The following TBC1D8 variants were observed in gnomAD, a reference collection of about 807,000 sequenced individuals.
The protein encoded by TBC1D8 is BUB2-like protein 1.
Under a neutral mutation model 118.8 loss-of-function variants are expected in TBC1D8, and 65 were observed. The ratio of observed to expected loss-of-function variants is 0.55; its 90% CI spans 0.45 to 0.67. The LOEUF (loss-of-function observed/expected upper bound fraction) is 0.67. Ranked by LOEUF, TBC1D8 falls within the 30% of genes least tolerant of loss-of-function variation. TBC1D8 has a pLI of 0.00. For synonymous variants in TBC1D8, 566 were observed against 595.8 expected (o/e 0.95, Z 0.73); for missense variants, 1,376 against 1,471.2 (o/e 0.94, Z 1.06).
At chr2:101,097,548 T>C (rs1676545170) in intron 1 of TBC1D8, among the ~76,000 whole-genome samples, 1 of 131,550 alleles carries the variant, frequency 7.6e-6, no homozygotes, top group South Asian at 2.4e-4. Context: ...TTGGAAATAC[T>C]CTGTTATTTA....
At chr2:101,111,327 T>C (rs140353911) in intron 1 of TBC1D8, among the ~76,000 whole-genome samples, 182 of 152,284 alleles carry the variant, frequency 1.2e-3, no homozygotes, top group Non-Finnish European at 2.3e-3. Context: ...AGGGCGACCA[T>C]ATCACGCAGG....
intron 3 of TBC1D8, among the ~76,000 whole-genome samples, chr2:101,058,024 C>G (rs903328194): frequency 3.3e-5 from 5 of 152,180 alleles, no homozygotes; most frequent in African/African-American, 1.2e-4. Context: ...CAAATAACCA[C>G]TACAACTTGC....
chr2:101,015,480 T>C (rs1169548638), intron 17 of TBC1D8, among the ~76,000 whole-genome samples: 1 of 152,236 alleles, frequency 6.6e-6, no homozygotes, highest in Non-Finnish European at 1.5e-5. Context: ...TTTATAAACT[T>C]TTTGACTCTT....
rs1446670327 is a variant in TBC1D8 at position 101,081,337 on chromosome 2, G to A, written c.283+8872C>T. Among the ~76,000 whole-genome samples, 10 of 152,120 alleles carry A rather than the reference G, an allele frequency of 6.6e-5. 1 individual carries two copies. The South Asian group carries it at 1.7e-3, about 25-fold the overall frequency. ...TCTCCTGACCCTCCCCTGCTACAAC[G>A]TGGCACTTTCCTTTCTTTCTGTTTT... On this transcript the variant is annotated intron_variant, in intron 2 of 19. Coordinates refer to ENST00000409318, the MANE Select transcript of TBC1D8 (RefSeq NM_001330348.2).
At chr2:101,145,086 A>C (rs1021180279) in intron 1 of TBC1D8, among the ~76,000 whole-genome samples, 2 of 152,170 alleles carry the variant, frequency 1.3e-5, no homozygotes, top group East Asian at 3.9e-4. Context: ...AGCTCTTCCT[A>C]AGGAGTTCCA....
intron 19 of TBC1D8, among the ~76,000 whole-genome samples, chr2:101,008,757 G>C (rs1666942422): frequency 6.6e-6 from 1 of 151,556 alleles, no homozygotes; most frequent in Non-Finnish European, 1.5e-5. Context: ...GGTTGTGGTA[G>C]TCAAGATCAC....
intron 17 of TBC1D8, among the ~76,000 whole-genome samples, chr2:101,015,648 C>T (rs905338483): frequency 2.6e-5 from 4 of 152,182 alleles, no homozygotes; most frequent in African/African-American, 9.7e-5. Flanking sequence ...AAGCCAGAGG[C>T]ATCACGCTAC....
intron 15 of TBC1D8, 34 bp downstream of exon 15, chr2:101,027,349 G>C: frequency 6.2e-7 from 1 of 1,603,746 alleles, no homozygotes; most frequent in Non-Finnish European, 8.5e-7. Context: ...CCAGCTCAGG[G>C]CCTGGAACCC....
intron 17 of TBC1D8, among the ~76,000 whole-genome samples, chr2:101,021,131 C>T (rs1460911272): frequency 6.6e-6 from 1 of 152,132 alleles, no homozygotes; most frequent in African/African-American, 2.4e-5. Context: ...GGACAGAGCC[C>T]TCTGGGATTT....
intron 1 of TBC1D8, among the ~76,000 whole-genome samples, chr2:101,107,462 G>T (rs549902226): frequency 1.3e-5 from 2 of 152,044 alleles, no homozygotes; most frequent in African/African-American, 4.8e-5. Context: ...AAAGGCAGAG[G>T]AAGATATATA....
intron 15 of TBC1D8, among the ~76,000 whole-genome samples, chr2:101,024,753 A>G (rs1040521693): frequency 4.6e-5 from 7 of 152,144 alleles, no homozygotes; most frequent in Non-Finnish European, 1.0e-4. Flanking sequence ...AGTATTGACT[A>G]AAGTTGAATA....
At chr2:101,109,535 T>C (rs1401362478) in intron 1 of TBC1D8, among the ~76,000 whole-genome samples, 1 of 152,184 alleles carries the variant, frequency 6.6e-6, no homozygotes, top group Non-Finnish European at 1.5e-5. Flanking sequence ...CAGCCCTACT[T>C]AGTCCGTCCT....
chr2:101,137,533 C>T (rs1678910074), intron 1 of TBC1D8, among the ~76,000 whole-genome samples: 1 of 150,444 alleles, frequency 6.6e-6, no homozygotes, highest in African/African-American at 2.5e-5. Context: ...AGGATGGTCT[C>T]GATCTCCTGA....
At chr2:101,027,308 C>T (rs934741194) in intron 15 of TBC1D8, 75 bp downstream of exon 15, 8 of 1,384,582 alleles carry the variant, frequency 5.8e-6, no homozygotes, top group Admixed American at 5.1e-5. Flanking sequence ...TGCATGCTGT[C>T]CCCTGGGCAG....
At chr2:101,053,490 A>G (rs1235417505) in intron 4 of TBC1D8, among the ~76,000 whole-genome samples, 1 of 152,236 alleles carries the variant, frequency 6.6e-6, no homozygotes. Context: ...ATACTACCCA[A>G]CATGAGCACT....
chr2:101,030,294 T>G (rs991248413), intron 11 of TBC1D8, among the ~76,000 whole-genome samples: 1 of 152,212 alleles, frequency 6.6e-6, no homozygotes, highest in East Asian at 1.9e-4. Flanking sequence ...ACAGAGGTCT[T>G]ATATTCAAAA....
chr2:101,144,338 C>A (rs1233409307), intron 1 of TBC1D8, among the ~76,000 whole-genome samples: 2 of 152,096 alleles, frequency 1.3e-5, no homozygotes, highest in African/African-American at 4.8e-5. Context: ...AGGTACATCT[C>A]CAGGAAGTGG....
chr2:101,092,354 T>C (rs918962965), intron 1 of TBC1D8, among the ~76,000 whole-genome samples: 11 of 152,226 alleles, frequency 7.2e-5, no homozygotes, highest in Non-Finnish European at 1.5e-5. Context: ...AGATGACCTC[T>C]ACTTGTCCCA....
intron 15 of TBC1D8, among the ~76,000 whole-genome samples, chr2:101,024,698 T>G (rs1680236161): frequency 6.6e-6 from 1 of 152,106 alleles, no homozygotes; most frequent in African/African-American, 2.4e-5. Context: ...TAAGCCACCG[T>G]GCCCGGCCAG....
Sources: allele counts gnomAD v4.1 joint callset (sites outside exome capture counted in the v4.1 genomes callset), GRCh38; gene constraint gnomAD v4.1.1; transcripts MANE v1.5; gene names NCBI Gene and HGNC (gene_info 2026-07-23, HGNC 2026-07-21).